Variants in SDK1 observed in about 807,000 individuals in gnomAD.
SDK1 encodes the protein protein sidekick-1.
In SDK1, 157 loss-of-function variants were observed where a neutral mutation model predicts 245.5. The observed-to-expected ratio is 0.64, with a 90% CI of 0.56 to 0.73. The LOEUF (loss-of-function observed/expected upper bound fraction) is 0.73, where lower values mean the gene tolerates loss of function less well. Among genes scored for constraint, SDK1 ranks in the 30% least tolerant of loss-of-function variants. The pLI is 0.00. For missense variants in SDK1, 3,583 were observed against 3,002.3 expected, an observed-to-expected ratio of 1.19 and a Z score of -4.52; for synonymous variants, 1,647 against 1,278.5, an observed-to-expected ratio of 1.29 and a Z score of -6.15.
At chr7:3,968,261 G>C (rs1782228369) in intron 10 of SDK1, among the ~76,000 whole-genome samples, 3 of 152,204 alleles carry the variant, frequency 2.0e-5, no homozygotes, top group African/African-American at 4.8e-5. Context: ...TCCTGGGAAG[G>C]CTGCCTTTGC....
At chr7:4,226,355 C>T (rs1333283065) in intron 40 of SDK1, among the ~76,000 whole-genome samples, 2 of 152,190 alleles carry the variant, frequency 1.3e-5, no homozygotes, top group African/African-American at 4.8e-5. Context: ...CTCTACCTTG[C>T]CCCTGGGAGA....
chr7:3,346,552 C>T (rs1439906498), intron 1 of SDK1, among the ~76,000 whole-genome samples: 1 of 151,338 alleles, frequency 6.6e-6, no homozygotes, highest in Non-Finnish European at 1.5e-5. Context: ...CTCACTCTGT[C>T]ACCCAGGCTG....
chr7:3,622,368 C>T (rs997286895), intron 2 of SDK1, among the ~76,000 whole-genome samples: 4 of 152,126 alleles, frequency 2.6e-5, no homozygotes, highest in Admixed American at 2.6e-4. Context: ...GTAATCCCAG[C>T]TACTTGGGAG....
intron 32 of SDK1, among the ~76,000 whole-genome samples, chr7:4,165,897 C>G (rs1781469853): frequency 6.6e-6 from 1 of 152,116 alleles, no homozygotes; most frequent in South Asian, 2.1e-4. Flanking sequence ...AGCAATCCTC[C>G]CACCTCAGCC....
intron 21 of SDK1, among the ~76,000 whole-genome samples, chr7:4,077,977 A>C (rs1290803238): frequency 6.6e-6 from 1 of 152,184 alleles, no homozygotes; most frequent in East Asian, 1.9e-4. Flanking sequence ...AAGTTACCAG[A>C]GTTTTCCTGA....
chr7:3,723,939 TATATAGAGAG>T lies in SDK1; in HGVS notation c.713+81836_713+81845del, dbSNP rs750914373. Among the ~76,000 whole-genome samples the T allele has an allele frequency of 2.1e-4, 24 of 116,720 alleles. 1 individual carries two copies. Among genetic ancestry groups the T allele is most frequent in the South Asian group, 5.8e-4 (2 of 3,458 alleles). The allele number at this position is 116,720 out of a possible 152,430, so 76.6% of individuals were successfully genotyped here. ...ATATATACACGTATATATATATATA[TATATAGAGAG>T]AGAGAGAGAGAGAGAGAGAGAGAGA... On this transcript the variant is annotated intron_variant, in intron 4 of 44. Coordinates refer to ENST00000404826, the MANE Select transcript of SDK1 (RefSeq NM_152744.4).
chr7:4,049,993 G>C (rs1233345819), intron 18 of SDK1, among the ~76,000 whole-genome samples: 2 of 152,138 alleles, frequency 1.3e-5, no homozygotes, highest in Non-Finnish European at 1.5e-5. Flanking sequence ...TGTGTCTTTA[G>C]CTACCAGAGT....
chr7:4,222,440 A>G (rs1190202248), intron 40 of SDK1, among the ~76,000 whole-genome samples: 2 of 151,952 alleles, frequency 1.3e-5, no homozygotes, highest in Non-Finnish European at 2.9e-5. Context: ...GATTACAGGC[A>G]CCCGCCATCA....
At chr7:4,015,252 A>C (rs1786303667) in intron 16 of SDK1, among the ~76,000 whole-genome samples, 1 of 152,126 alleles carries the variant, frequency 6.6e-6, no homozygotes, top group Non-Finnish European at 1.5e-5. Flanking sequence ...CCGTTGAGCA[A>C]AGTCTTCCGA....
chr7:3,458,133 GA>G (rs1272189249), intron 1 of SDK1, among the ~76,000 whole-genome samples: 4 of 141,708 alleles, frequency 2.8e-5, no homozygotes, highest in African/African-American at 9.9e-5. Flanking sequence ...TTGATGGTTT[GA>G]AATTTTGCAT....
intron 34 of SDK1, among the ~76,000 whole-genome samples, chr7:4,176,753 G>T (rs563551878): frequency 6.6e-6 from 1 of 152,306 alleles, no homozygotes; most frequent in Non-Finnish European, 1.5e-5. Context: ...TCTTTTTGTG[G>T]CTGGCTTGTT....
At chr7:3,377,487 T>TC (rs1781382840) in intron 1 of SDK1, among the ~76,000 whole-genome samples, 1 of 151,898 alleles carries the variant, frequency 6.6e-6, no homozygotes, top group Non-Finnish European at 1.5e-5. Flanking sequence ...AAAGCTGGGT[T>TC]CCCCCCACAC....
chr7:4,005,393 AGTGTGTGTGTGTGTGTGTGTGTGTGT>A (rs71032920), intron 14 of SDK1, among the ~76,000 whole-genome samples: 5 of 129,818 alleles, frequency 3.9e-5, no homozygotes, highest in Admixed American at 7.8e-5. Context: ...TTCTTATGTG[AGTGTGTGTGTGTGTGTGTGTGTGTGT>A]GTGTGTGTGT....
intron 42 of SDK1, among the ~76,000 whole-genome samples, chr7:4,239,957 T>TA (rs769653839): frequency 2.6e-5 from 4 of 152,170 alleles, no homozygotes. Context: ...CCAAAGGGGT[T>TA]AAAAAAACCA....
chr7:3,423,096 A>C (rs1428217694), intron 1 of SDK1, among the ~76,000 whole-genome samples: 1 of 152,212 alleles, frequency 6.6e-6, no homozygotes. Flanking sequence ...AATCCTAATC[A>C]AGAAGGAGTT....
intron 4 of SDK1, among the ~76,000 whole-genome samples, chr7:3,767,547 C>T (rs1387534942): frequency 6.6e-6 from 1 of 151,984 alleles, no homozygotes; most frequent in Non-Finnish European, 1.5e-5. Flanking sequence ...CATAGGCTTA[C>T]TCTATGCCAG....
At chr7:4,050,870 T>C (rs1464013945) in intron 18 of SDK1, among the ~76,000 whole-genome samples, 1 of 144,328 alleles carries the variant, frequency 6.9e-6, no homozygotes, top group Non-Finnish European at 1.5e-5. Flanking sequence ...TACTATATGG[T>C]ATATATTATA....
In SDK1 at chr7:4,140,615, G is replaced by T. The variant is rs1386816924; in HGVS notation, c.4229-5107G>T. On this transcript the variant is annotated intron_variant, in intron 28 of 44. Transcript: ENST00000404826. ...ACAGCAGGGTATCCTGGGAAGAGCT[G>T]GGGCTCGATGCCGAGGGACCCCAGC... Among the ~76,000 whole-genome samples, 3 of 152,112 alleles carry T rather than the reference G, an allele frequency of 2.0e-5. No homozygotes were observed. The East Asian group carries it at 5.8e-4, about 29-fold the overall frequency.
intron 36 of SDK1, among the ~76,000 whole-genome samples, chr7:4,207,169 C>T (rs1784269618): frequency 6.6e-6 from 1 of 152,190 alleles, no homozygotes. Context: ...CCAGCAAGAG[C>T]AAGGCGGGCG....
Sources: allele counts gnomAD v4.1 joint callset (sites outside exome capture counted in the v4.1 genomes callset), GRCh38; gene constraint gnomAD v4.1.1; transcripts MANE v1.5; gene names NCBI Gene and HGNC (gene_info 2026-07-23, HGNC 2026-07-21).